Variants in CSMD1 observed in about 807,000 individuals in gnomAD.
CSMD1 encodes CUB and sushi domain-containing protein 1.
Under a neutral mutation model 417.5 loss-of-function variants are expected in CSMD1, and 213 were observed. The ratio of observed to expected loss-of-function variants is 0.51; its 90% CI spans 0.46 to 0.57. CSMD1 has a LOEUF of 0.57. CSMD1 is among the 20% of genes least tolerant of loss of function. The pLI is 0.00. For missense variants in CSMD1, 6,923 were observed against 4,529.7 expected (o/e 1.53, Z -15.17); for synonymous variants, 2,862 against 1,736.8 (o/e 1.65, Z -16.11).
In CSMD1 at chr8:4,136,402, T is replaced by G. The variant is rs1803438183; in HGVS notation, c.416-104303A>C. 2.0e-5 allele frequency among the ~76,000 whole-genome samples: 3 copies of G among 152,176 alleles called. No homozygotes were observed. In the South Asian group the frequency reaches 6.2e-4, roughly 31 times the overall value. On this transcript the variant is annotated intron_variant, in intron 3 of 69. Transcript: ENST00000635120. ...GCCTGCAACTTGACTGGAGGGTCCC[T>G]TGAAATAAATAACATAAAACTGGTT...
At chr8:4,144,029 C>A (rs1011535076) in intron 3 of CSMD1, among the ~76,000 whole-genome samples, 1 of 151,262 alleles carries the variant, frequency 6.6e-6, no homozygotes, top group Non-Finnish European at 1.5e-5. Context: ...ATAGAGAAAG[C>A]AGCCTTTGAT....
intron 5 of CSMD1, among the ~76,000 whole-genome samples, chr8:3,872,506 A>G (rs1805543156): frequency 6.6e-6 from 1 of 152,180 alleles, no homozygotes; most frequent in African/African-American, 2.4e-5. Context: ...TGGTGCCTGA[A>G]CTAGGTAATG....
intron 1 of CSMD1, among the ~76,000 whole-genome samples, chr8:4,684,210 G>T (rs1274647468): frequency 6.6e-6 from 1 of 152,214 alleles, no homozygotes; most frequent in African/African-American, 2.4e-5. Flanking sequence ...GACACGAGAA[G>T]TTCAGTGGAT....
chr8:4,568,600 T>C (rs1451007272), intron 2 of CSMD1, among the ~76,000 whole-genome samples: 1 of 152,166 alleles, frequency 6.6e-6, no homozygotes, highest in Non-Finnish European at 1.5e-5. Flanking sequence ...TGCATCTTCA[T>C]AATAGAAAGA....
intron 5 of CSMD1, among the ~76,000 whole-genome samples, chr8:3,797,354 G>A (rs904002321): frequency 6.6e-6 from 1 of 151,882 alleles, no homozygotes; most frequent in African/African-American, 2.4e-5. Flanking sequence ...ACTGTCACAA[G>A]TAGAGCCCAC....
chr8:3,490,076 A>G (rs950513131), intron 11 of CSMD1, among the ~76,000 whole-genome samples: 1 of 152,192 alleles, frequency 6.6e-6, no homozygotes, highest in Non-Finnish European at 1.5e-5. Flanking sequence ...ATCGCCTAAA[A>G]TTATCTGTTT....
chr8:3,974,349 G>T (rs1268203872), intron 5 of CSMD1, among the ~76,000 whole-genome samples: 1 of 151,616 alleles, frequency 6.6e-6, no homozygotes. Context: ...GTAGTTGAAA[G>T]AAATGGAATC....
At chr8:3,933,571 T>G (rs915564345) in intron 5 of CSMD1, among the ~76,000 whole-genome samples, 2 of 152,138 alleles carry the variant, frequency 1.3e-5, no homozygotes, top group Non-Finnish European at 2.9e-5. Context: ...CAGGATACAT[T>G]GAGAAAATAT....
intron 11 of CSMD1, among the ~76,000 whole-genome samples, chr8:3,490,403 C>G (rs1196239364): frequency 6.6e-6 from 1 of 152,046 alleles, no homozygotes; most frequent in Non-Finnish European, 1.5e-5. Flanking sequence ...TAATAATAAC[C>G]TAAGGGATTT....
intron 8 of CSMD1, among the ~76,000 whole-genome samples, chr8:3,600,931 T>C (rs538430410): frequency 1.3e-5 from 2 of 152,300 alleles, no homozygotes; most frequent in East Asian, 1.9e-4. Context: ...AAAATGTGGA[T>C]AGAGAGGAAG....
Position 3,369,299 on chromosome 8 carries a change from T to A in CSMD1, c.2854A>T (p.Asn952Tyr), listed in dbSNP as rs775667779. 1 of 1,607,550 alleles carries A rather than the reference T, an allele frequency of 6.2e-7. No individual in the cohort carries two copies. The highest frequency in any genetic ancestry group is 1.7e-5 in the Admixed American group (1 of 59,950). Residue 952 changes from asparagine to tyrosine, a missense_variant, in exon 19 of 70, where the codon AAC becomes TAC. By Grantham distance (143) the Asn-to-Tyr change is moderately radical. Transcript: ENST00000635120. ...LSPGFPDFYP[N>Y]SLNCTWTIEV... ...ATGGTCCACGTGCAGTTTAGAGAGT[T>A]TGGATAAAAATCTGGAAACCCAGGA...
At chr8:4,063,577 T>G (rs1799091919) in intron 3 of CSMD1, among the ~76,000 whole-genome samples, 1 of 152,182 alleles carries the variant, frequency 6.6e-6, no homozygotes, top group African/African-American at 2.4e-5. Context: ...TTAAGCAATA[T>G]TCCTTGGCAC....
At chr8:4,660,928 C>A (rs1804553702) in intron 1 of CSMD1, among the ~76,000 whole-genome samples, 1 of 152,108 alleles carries the variant, frequency 6.6e-6, no homozygotes, top group African/African-American at 2.4e-5. Context: ...TCACTTCACA[C>A]TTACAATAAT....
intron 2 of CSMD1, among the ~76,000 whole-genome samples, chr8:4,591,428 C>T (rs752958487): frequency 1.3e-5 from 2 of 152,128 alleles, no homozygotes; most frequent in African/African-American, 2.4e-5. Flanking sequence ...GCATTCCAAA[C>T]AGAAATGAGC....
chr8:4,033,064 A>G (rs1797432294), intron 3 of CSMD1, among the ~76,000 whole-genome samples: 1 of 148,552 alleles, frequency 6.7e-6, no homozygotes. Context: ...TCTAACCCAG[A>G]CATTCCTCTC....
At chr8:4,500,596 G>C (rs879640515) in intron 2 of CSMD1, among the ~76,000 whole-genome samples, 1 of 152,116 alleles carries the variant, frequency 6.6e-6, no homozygotes, top group Non-Finnish European at 1.5e-5. Context: ...CTGTTCTAAT[G>C]GCATTCGGGG....
chr8:3,268,528 C>T (rs765486612), intron 26 of CSMD1, among the ~76,000 whole-genome samples: 8 of 151,812 alleles, frequency 5.3e-5, no homozygotes, highest in South Asian at 4.2e-4. Flanking sequence ...TGACCTCATC[C>T]GCCCACCTCG....
chr8:4,593,390 GC>G (rs1800088082), intron 2 of CSMD1, among the ~76,000 whole-genome samples: 1 of 152,164 alleles, frequency 6.6e-6, no homozygotes, highest in Admixed American at 6.5e-5. Context: ...TAATTTTAGT[GC>G]TAATTATGTA....
At chr8:3,298,552 C>T (rs1354479982) in intron 25 of CSMD1, among the ~76,000 whole-genome samples, 3 of 152,160 alleles carry the variant, frequency 2.0e-5, no homozygotes, top group African/African-American at 4.8e-5. Context: ...CTCCCAGGCT[C>T]AAGCAATTCT....
Sources: gnomAD v4.1 joint callset for allele counts (sites outside exome capture counted in the v4.1 genomes callset) on GRCh38, gnomAD v4.1.1 for gene constraint, MANE v1.5 for transcripts, NCBI Gene and HGNC (gene_info 2026-07-23, HGNC 2026-07-21) for gene names.